Variants in GAS2L1 observed in about 807,000 individuals in gnomAD.
The protein encoded by GAS2L1 is growth arrest specific 2 like 1, also known as GAS2-like protein 1.
Under a neutral mutation model 44.0 loss-of-function variants are expected in GAS2L1, and 26 were observed. That is an observed-to-expected ratio of 0.59 (90% CI 0.43 to 0.82). GAS2L1 has a LOEUF of 0.82. Among genes scored for constraint, GAS2L1 ranks in the 40% least tolerant of loss-of-function variants. The probability of loss-of-function intolerance (pLI) is 0.00; values close to 1 mark genes in which losing one functional copy is unlikely to be tolerated. For missense variants in GAS2L1, 1,006 were observed against 983.0 expected (o/e 1.02, Z -0.31); for synonymous variants, 426 against 415.9 (o/e 1.02, Z -0.30).
In GAS2L1 at chr22:29,312,161, C is replaced by T. The variant is rs780710072; in HGVS notation, c.1710C>T (p.Leu570=). ...CCTCCAGTTCCTCCTCTTCGTCCCT[C>T]AGCGTCCTGGGTGGCAAATGTGGCC... The change falls in exon 5 of 5, where the codon CTC becomes CTT. Residue 570 remains leucine (L), a synonymous_variant. Transcript: ENST00000618518. 4 of 1,612,974 alleles carry T rather than the reference C, an allele frequency of 2.5e-6. No homozygotes were observed. The South Asian group carries it at 3.3e-5, about 13-fold the overall frequency.
At chr22:29,310,975 G>T (rs1187369498) in exon 4 of GAS2L1, 2 of 1,613,066 alleles carry the variant, frequency 1.2e-6, no homozygotes, top group African/African-American at 2.7e-5. Flanking sequence ...GAAGCACAAA[G>T]GAGGGGCCCG....
intron 1 of GAS2L1, among the ~76,000 whole-genome samples, chr22:29,309,254 C>T (rs563337508): frequency 1.3e-5 from 2 of 152,286 alleles, no homozygotes; most frequent in South Asian, 4.1e-4. Context: ...CCAGGCACCC[C>T]TGGGAAGCCT....
At chr22:29,306,921 C>A (rs1191605112), upstream of GAS2L1, 1 of 152,166 alleles carries the variant, frequency 6.6e-6, no homozygotes, top group Admixed American at 6.5e-5. Context: ...CCCAGCTCCA[C>A]CCCAGCTCCC....
chr22:29,311,748 C>G, exon 5 of GAS2L1: 1 of 1,534,440 alleles, frequency 6.5e-7, no homozygotes, highest in African/African-American at 1.4e-5. Flanking sequence ...CCCTGCCCGG[C>G]GGGCCCGGAG....
chr22:29,312,040 G>A (rs756764539), exon 5 of GAS2L1: 4 of 1,612,424 alleles, frequency 2.5e-6, no homozygotes, highest in South Asian at 1.1e-5. Context: ...GCCAATGCCC[G>A]GGCCCTTGAG....
In GAS2L1 at chr22:29,308,857, G is replaced by A. The variant is rs908167095; in HGVS notation, c.633+119G>A. ...CAGAACAGTCTGCCCCACAAAAAGAGTGCACATGTTGAGCACCAAACCGAG... is the reference window on the plus strand; with the variant it reads ...CAGAACAGTCTGCCCCACAAAAAGAATGCACATGTTGAGCACCAAACCGAG... On this transcript the variant is annotated intron_variant, in intron 1 of 4. Transcript: ENST00000618518. The A allele has an allele frequency of 8.2e-5, 65 of 790,176 alleles. No homozygotes were observed. The African/African-American group carries it at 1.0e-3, about 12-fold the overall frequency. 48.9% of individuals were successfully genotyped at this position (790,176 alleles called of 1,614,324 possible).
At chr22:29,312,061 G>T in exon 5 of GAS2L1, 1 of 1,612,728 alleles carries the variant, frequency 6.2e-7, no homozygotes, top group Non-Finnish European at 8.5e-7. Flanking sequence ...GCTGTTGCTA[G>T]CGTGACCCCC....
rs749530628 is a variant in GAS2L1 at position 29,308,398 on chromosome 22, T to C, written c.293T>C (p.Met98Thr). The C allele has an allele frequency of 3.1e-6, 5 of 1,609,076 alleles. No individual in the cohort carries two copies. In the South Asian group the frequency reaches 5.5e-5, roughly 18 times the overall value. ...CACAGTGTAGTGCCTGGCTCCTTCA[T>C]GGCGCGCGACAACGTGGCCACCTTC... Residue 98 changes from methionine (M) to threonine (T), a missense_variant, in exon 1 of 5, where the codon ATG (methionine) becomes ACG (threonine). Met to Thr is a moderately conservative substitution (Grantham distance 81). Transcript: ENST00000618518.
At chr22:29,311,617 C>T (rs1345816009) in exon 5 of GAS2L1, 2 of 1,538,220 alleles carry the variant, frequency 1.3e-6, no homozygotes, top group South Asian at 1.2e-5. Context: ...CGGCTGACCA[C>T]AGGCACCCCG....
chr22:29,310,248 A>AT (rs1312623369), intron 1 of GAS2L1, 191 bp from the exon 3 acceptor site: 3 of 338,164 alleles, frequency 8.9e-6, no homozygotes, highest in African/African-American at 6.5e-5. Context: ...AACTCAAAAA[A>AT]AAAAAAAAAT....
chr22:29,311,819 A>G, exon 5 of GAS2L1: 1 of 1,589,848 alleles, frequency 6.3e-7, no homozygotes, highest in Non-Finnish European at 8.5e-7. Context: ...GGCAGCACTC[A>G]TGGGTGCCAA....
chr22:29,312,208 C>T (rs775867065), exon 5 of GAS2L1: 62 of 1,613,054 alleles, frequency 3.8e-5, no homozygotes, highest in Middle Eastern at 1.6e-4. Context: ...TCTGGCCGGA[C>T]GGCCAATGGG....
exon 3 of GAS2L1, chr22:29,310,697 C>T (rs528562193): frequency 5.6e-6 from 9 of 1,609,502 alleles, no homozygotes; most frequent in African/African-American, 1.3e-5. Context: ...TGGAGCATTA[C>T]CTGGACAAGC....
chr22:29,311,625 C>CCGGCCTCTCCGAGA lies in GAS2L1; in HGVS notation c.1182_1195dup (p.Pro399LeufsTer145). The CCGGCCTCTCCGAGA allele has an allele frequency of 6.5e-7, 1 of 1,537,042 alleles. No individual in the cohort carries two copies. The highest frequency in any genetic ancestry group is 8.7e-7 in the Non-Finnish European group (1 of 1,146,308). On this transcript the variant is annotated frameshift_variant, in exon 5 of 5. Coordinates refer to ENST00000618518, the Ensembl canonical transcript of GAS2L1. LOFTEE classifies it high-confidence loss of function. ...CAGCCGGCGGCTGACCACAGGCACC[C>CCGGCCTCTCCGAGA]CGGCCTCTCCGAGACGGCCTCCTGC...
chr22:29,310,611 A>G (rs563352226), intron 2 of GAS2L1, 27 bp from the exon 4 acceptor site: 1 of 1,597,738 alleles, frequency 6.3e-7, no homozygotes, highest in East Asian at 2.2e-5. Flanking sequence ...CGCCCGGGGC[A>G]CAGCCGTGAC....
At chr22:29,311,728 C>G in exon 5 of GAS2L1, 4 of 1,531,906 alleles carry the variant, frequency 2.6e-6, no homozygotes, top group Non-Finnish European at 3.5e-6. Context: ...GCCCAGCTGT[C>G]GGTCCCCAGC....
At chr22:29,309,340 G>A (rs539823228) in intron 1 of GAS2L1, among the ~76,000 whole-genome samples, 3 of 152,354 alleles carry the variant, frequency 2.0e-5, no homozygotes, top group Middle Eastern at 3.4e-3. Context: ...AAGCATAGGC[G>A]TTGCTGGGCC....
At chr22:29,311,908 C>A (rs1305676323) in exon 5 of GAS2L1, 2 of 1,602,108 alleles carry the variant, frequency 1.2e-6, no homozygotes, top group African/African-American at 2.7e-5. Flanking sequence ...CCCCGGCTTT[C>A]CCGGGTCTCC....
At chr22:29,310,273 A>AT (rs1569140135) in intron 1 of GAS2L1, 166 bp from the exon 3 acceptor site, 43 of 411,814 alleles carry the variant, frequency 1.0e-4, no homozygotes, top group Non-Finnish European at 1.7e-4. Context: ...AAAAATAAAA[A>AT]AAATAAAAGA....
Sources: gnomAD v4.1 joint callset for allele counts (sites outside exome capture counted in the v4.1 genomes callset) on GRCh38, gnomAD v4.1.1 for gene constraint, MANE v1.5 for transcripts, NCBI Gene and HGNC (gene_info 2026-07-23, HGNC 2026-07-21) for gene names.